The following EIF4G3 variants were observed in gnomAD, a reference collection of about 807,000 sequenced individuals.
EIF4G3 encodes the protein eIF-4-gamma 3.
Under a neutral mutation model 186.4 loss-of-function variants are expected in EIF4G3, and 34 were observed. That is an observed-to-expected ratio of 0.18 (90% CI 0.14 to 0.24). EIF4G3 has a LOEUF of 0.24. Ranked by LOEUF, EIF4G3 falls within the 10% of genes least tolerant of loss-of-function variation. The pLI is 1.00. For synonymous variants in EIF4G3, 673 were observed against 679.5 expected, an observed-to-expected ratio of 0.99 and a Z score of 0.15; for missense variants, 1,536 against 1,948.5, an observed-to-expected ratio of 0.79 and a Z score of 3.99.
intron 7 of EIF4G3, among the ~76,000 whole-genome samples, chr1:20,994,157 T>C (rs1483989123): frequency 1.3e-5 from 2 of 152,244 alleles, no homozygotes; most frequent in African/African-American, 2.4e-5. Flanking sequence ...AAATTAATTG[T>C]ATTATATACG....
At chr1:21,156,798 G>T (rs917392847) in intron 2 of EIF4G3, among the ~76,000 whole-genome samples, 2 of 152,116 alleles carry the variant, frequency 1.3e-5, no homozygotes, top group Non-Finnish European at 2.9e-5. Flanking sequence ...AATTAGGCCG[G>T]GCACAGTGGC....
chr1:20,824,229 T>C (rs1443377119), intron 33 of EIF4G3, among the ~76,000 whole-genome samples: 2 of 152,260 alleles, frequency 1.3e-5, no homozygotes, highest in Non-Finnish European at 2.9e-5. Context: ...CAGGTTCTTA[T>C]TGCTGTGGCA....
chr1:20,916,457 AC>A (rs1444217639), intron 14 of EIF4G3, among the ~76,000 whole-genome samples: 5 of 151,940 alleles, frequency 3.3e-5, no homozygotes, highest in Admixed American at 1.3e-4. Context: ...AAAAAAAAAA[AC>A]AAAAACAAAA....
chr1:20,956,533 CTG>C (rs1342325013), intron 12 of EIF4G3, among the ~76,000 whole-genome samples: 2 of 138,078 alleles, frequency 1.4e-5, no homozygotes, highest in African/African-American at 2.7e-5. Context: ...GATGTAATGA[CTG>C]TGGAGAGTGA....
chr1:21,066,966 A>G (rs1264387164), intron 3 of EIF4G3, among the ~76,000 whole-genome samples: 2 of 152,214 alleles, frequency 1.3e-5, no homozygotes, highest in Non-Finnish European at 2.9e-5. Context: ...GTTTTCAAAC[A>G]TTAAAGAACT....
At chr1:20,969,691 CT>C in intron 11 of EIF4G3, 95 bp from the exon 12 acceptor site, 1 of 1,188,070 alleles carries the variant, frequency 8.4e-7, no homozygotes, top group Non-Finnish European at 1.2e-6. Flanking sequence ...ACTGGGAAAC[CT>C]GTCAAATATC....
Position 20,810,684 on chromosome 1 carries a change from C to T in EIF4G3, c.4744+54G>A, listed in dbSNP as rs2059070881. 1.3e-6 allele frequency: 2 copies of T among 1,585,498 alleles called. No homozygotes were observed. ...ACCCTAAATCATCTCTAAGTCCTGGCTTGGATAAATCTCACTCATTGGTTA... is the reference window on the plus strand; with the variant it reads ...ACCCTAAATCATCTCTAAGTCCTGGTTTGGATAAATCTCACTCATTGGTTA... On this transcript the variant is annotated intron_variant, in intron 36 of 36. Coordinates refer to ENST00000602326, the MANE Select transcript of EIF4G3 (RefSeq NM_001391906.1). The surrounding 1 kb of genome is among the most constrained non-coding windows in gnomAD (Gnocchi z 4.1).
intron 29 of EIF4G3, among the ~76,000 whole-genome samples, chr1:20,845,400 C>T (rs532025689): frequency 3.3e-5 from 5 of 152,232 alleles, no homozygotes; most frequent in South Asian, 4.1e-4. Context: ...CGGTGGCTCA[C>T]GCCTGTAATC....
intron 4 of EIF4G3, among the ~76,000 whole-genome samples, chr1:21,039,077 A>G (rs2093410838): frequency 6.6e-6 from 1 of 152,364 alleles, no homozygotes; most frequent in African/African-American, 2.4e-5. Flanking sequence ...TCAAGTCAGT[A>G]TGGTACTGGC....
intron 19 of EIF4G3, among the ~76,000 whole-genome samples, chr1:20,884,721 C>T (rs554029188): frequency 2.6e-5 from 4 of 152,242 alleles, no homozygotes; most frequent in South Asian, 2.1e-4. Flanking sequence ...AAAAGCAAAC[C>T]GCCAAGTACA....
Position 21,176,171 on chromosome 1 carries a change from A to G in EIF4G3, c.-272+4T>C. 1 of 408,198 alleles carries G rather than the reference A, an allele frequency of 2.4e-6. No homozygotes were observed. 25.3% of individuals were successfully genotyped at this position (408,198 alleles called of 1,614,324 possible). A position where few individuals can be genotyped will look rare whatever the true frequency, so the allele number is the denominator to read the frequency against. On this transcript the variant is annotated splice_donor_region_variant and intron_variant, in intron 2 of 36. Coordinates refer to ENST00000602326, the MANE Select transcript of EIF4G3 (RefSeq NM_001391906.1). ...AAGGGCCGACAGGAAGGTGAAAAGG[A>G]TACTGTTGGGGCGCCTGAGTCTGGA...
intron 2 of EIF4G3, among the ~76,000 whole-genome samples, chr1:21,173,507 T>C (rs913635878): frequency 1.1e-4 from 16 of 151,930 alleles, no homozygotes; most frequent in Non-Finnish European, 2.1e-4. Flanking sequence ...GTCAACATGG[T>C]GAAACCCAGT....
chr1:20,934,538 C>T (rs1260429977), intron 14 of EIF4G3, among the ~76,000 whole-genome samples: 1 of 152,060 alleles, frequency 6.6e-6, no homozygotes, highest in African/African-American at 2.4e-5. Flanking sequence ...CCTCAATGTT[C>T]TCAATAAAGA....
At chr1:20,832,585 C>A (rs1368877457) in intron 30 of EIF4G3, among the ~76,000 whole-genome samples, 2 of 147,838 alleles carry the variant, frequency 1.4e-5, no homozygotes, top group African/African-American at 4.9e-5. Flanking sequence ...ATGGTAGTTT[C>A]TTTTGCTGTG....
At position 21,076,065 on chromosome 1, in the gene EIF4G3, G is replaced by C. The variant is rs1460231423; in HGVS notation, c.-196+13073C>G. Among the ~76,000 whole-genome samples, 3 of 152,144 alleles carry C rather than the reference G, an allele frequency of 2.0e-5. No homozygotes were observed. In the South Asian group the frequency reaches 6.2e-4, roughly 32 times the overall value. ...ATACACATTCTCTTCATCAGCACACGGGTTCTCCAAAATAGACCACTTAGG... is the reference window on the plus strand; with the variant it reads ...ATACACATTCTCTTCATCAGCACACCGGTTCTCCAAAATAGACCACTTAGG... On this transcript the variant is annotated intron_variant, in intron 3 of 36. Transcript: ENST00000602326.
intron 12 of EIF4G3, among the ~76,000 whole-genome samples, chr1:20,955,379 G>A (rs911204280): frequency 6.6e-6 from 1 of 151,948 alleles, no homozygotes; most frequent in Non-Finnish European, 1.5e-5. Flanking sequence ...CCACAGGTGT[G>A]TACCAACATG....
At chr1:20,955,319 C>T (rs1430133433) in intron 12 of EIF4G3, among the ~76,000 whole-genome samples, 1 of 152,008 alleles carries the variant, frequency 6.6e-6, no homozygotes, top group Non-Finnish European at 1.5e-5. Flanking sequence ...GCAGCCTCGA[C>T]CTCTTGAGTT....
At chr1:21,113,060 G>A (rs112715934) in intron 2 of EIF4G3, among the ~76,000 whole-genome samples, 4,860 of 148,396 alleles carry the variant, frequency 0.033, 116 homozygotes, top group Non-Finnish European at 0.049. Context: ...TTGGGAGGCT[G>A]AGAATGGCTT....
At chr1:21,018,561 T>TA (rs34620306) in intron 4 of EIF4G3, among the ~76,000 whole-genome samples, 9,360 of 142,520 alleles carry the variant, frequency 0.066, 475 homozygotes, top group East Asian at 0.14. Flanking sequence ...CTCCTTCTCT[T>TA]AAAAAAAAAA....
Sources: allele counts gnomAD v4.1 joint callset (sites outside exome capture counted in the v4.1 genomes callset), GRCh38; gene constraint gnomAD v4.1.1; non-coding constraint Gnocchi (gnomAD v3.1); transcripts MANE v1.5; gene names NCBI Gene and HGNC (gene_info 2026-07-23, HGNC 2026-07-21).